The following RSPH14 variants were observed in gnomAD, a reference collection of about 807,000 sequenced individuals.
RSPH14 encodes radial spoke head 14 homolog.
RSPH14 carries 20 observed loss-of-function variants against 26.7 expected under a neutral mutation model. That is an observed-to-expected ratio of 0.75 (90% CI 0.53 to 1.09). The LOEUF (loss-of-function observed/expected upper bound fraction) is 1.09, where lower values mean the gene tolerates loss of function less well. Among genes scored for constraint, RSPH14 ranks in the 50% least tolerant of loss-of-function variants. The pLI, the probability that RSPH14 is intolerant of heterozygous loss-of-function variation, is 0.00. For synonymous variants in RSPH14, 177 were observed against 189.3 expected, an observed-to-expected ratio of 0.93 and a Z score of 0.53; for missense variants, 449 against 457.2, an observed-to-expected ratio of 0.98 and a Z score of 0.16.
intron 6 of RSPH14, among the ~76,000 whole-genome samples, chr22:23,060,289 G>A (rs142003024): frequency 0.011 from 1,743 of 152,148 alleles, 41 homozygotes; most frequent in African/African-American, 0.04. Flanking sequence ...GGCTAACACA[G>A]TGAAACCCCG....
rs537603736 is a variant in RSPH14 at position 23,128,882 on chromosome 22, G to A, written c.421+5144C>T. ...GTTGAGCGCTAGCCACATGCCAGGCGCCCTGCCAGGTGCAGAGGGTGCCAT... is the reference window on the plus strand; with the variant it reads ...GTTGAGCGCTAGCCACATGCCAGGCACCCTGCCAGGTGCAGAGGGTGCCAT... On this transcript the variant is annotated intron_variant, in intron 4 of 6. Transcript: ENST00000216036. Among the ~76,000 whole-genome samples, 139 of 152,302 alleles carry A rather than the reference G, an allele frequency of 9.1e-4. 3 individuals are homozygous for A. Among genetic ancestry groups the A allele is most frequent in the African/African-American group, 2.9e-3 (121 of 41,552 alleles).
At chr22:23,156,011 G>C in the RSPH14 span, 38 of 1,612,662 alleles carry the variant, frequency 2.4e-5, no homozygotes, top group Non-Finnish European at 3.1e-5. Flanking sequence ...CATCGCATCT[G>C]CCTACTACCG....
At chr22:23,172,291 G>A in the RSPH14 span, among the ~76,000 whole-genome samples, 16 of 151,840 alleles carry the variant, frequency 1.1e-4, no homozygotes, top group East Asian at 5.8e-4. Flanking sequence ...GATGGTGCGC[G>A]TATAGTCCCA....
chr22:23,130,481 A>AGAAG (rs1322079201), intron 4 of RSPH14, among the ~76,000 whole-genome samples: 396 of 18,800 alleles, frequency 0.021, 5 homozygotes, highest in African/African-American at 0.14. Context: ...GAAAAGAGAA[A>AGAAG]GAAAGAAGGA....
chr22:23,104,233 G>C (rs975520836), intron 4 of RSPH14, among the ~76,000 whole-genome samples: 4 of 152,194 alleles, frequency 2.6e-5, no homozygotes, highest in Non-Finnish European at 5.9e-5. Context: ...TAAGGTCTAA[G>C]CAGGCAGGGC....
chr22:23,074,588 C>G (rs1001663852), intron 4 of RSPH14, among the ~76,000 whole-genome samples: 1 of 152,054 alleles, frequency 6.6e-6, no homozygotes, highest in African/African-American at 2.4e-5. Context: ...TGTGGCAGGC[C>G]GGGGACCACG....
the RSPH14 span, among the ~76,000 whole-genome samples, chr22:23,165,116 C>T: frequency 2.6e-5 from 4 of 152,190 alleles, no homozygotes; most frequent in African/African-American, 9.7e-5. Context: ...CCCCAAGAGC[C>T]AGGACAGTGA....
intron 4 of RSPH14, among the ~76,000 whole-genome samples, chr22:23,117,752 ATGACT>A (rs1041247238): frequency 4.2e-4 from 64 of 152,348 alleles, no homozygotes; most frequent in African/African-American, 1.4e-3. Flanking sequence ...GAGAAAGGAA[ATGACT>A]TGTCCAAGGT....
At chr22:23,076,723 A>G (rs1024681393) in intron 4 of RSPH14, among the ~76,000 whole-genome samples, 1 of 152,226 alleles carries the variant, frequency 6.6e-6, no homozygotes, top group Admixed American at 6.5e-5. Context: ...ATGTCTATGG[A>G]AAACTGTCCT....
At chr22:23,155,850 C>A in the RSPH14 span, 1 of 851,706 alleles carries the variant, frequency 1.2e-6, no homozygotes, top group Non-Finnish European at 1.7e-6. Context: ...TCCTGAAGCC[C>A]ATGCAGCTGG....
rs1215124596 is a variant in RSPH14, at chr22:23,061,951, G to A, written c.654-6C>T. The A allele has an allele frequency of 6.2e-7, 1 of 1,613,936 alleles. No homozygotes were observed. The highest frequency in any genetic ancestry group is 8.5e-7 in the Non-Finnish European group (1 of 1,179,994). ...TCTTGCCCTCTCGAGATATGCTGGG[G>A]CAGAGAGGGAACAGAGAGGGGCTCT... On this transcript the variant is annotated splice_polypyrimidine_tract_variant and splice_region_variant and intron_variant, in intron 5 of 6. Coordinates refer to ENST00000216036, the MANE Select transcript of RSPH14 (RefSeq NM_014433.3).
intron 4 of RSPH14, among the ~76,000 whole-genome samples, chr22:23,083,744 G>T (rs1989777): frequency 5.3e-5 from 8 of 151,716 alleles, no homozygotes; most frequent in Non-Finnish European, 8.8e-5. Flanking sequence ...CCAGTTTGTG[G>T]GGCATCCCTT....
the RSPH14 span, chr22:23,158,102 G>C: frequency 1.9e-6 from 3 of 1,606,058 alleles, no homozygotes; most frequent in African/African-American, 2.7e-5. Context: ...TGCCTGGAAG[G>C]GCTCCCAGAC....
chr22:23,179,951 T>G, the RSPH14 span: 1 of 291,086 alleles, frequency 3.4e-6, no homozygotes, highest in Non-Finnish European at 6.3e-6. Flanking sequence ...TCCGCATCGT[T>G]GGGCCAGATC....
chr22:23,103,900 C>T (rs1026071260), intron 4 of RSPH14, among the ~76,000 whole-genome samples: 1 of 152,194 alleles, frequency 6.6e-6, no homozygotes, highest in Non-Finnish European at 1.5e-5. Context: ...AAATGCTGGC[C>T]GCATGCTCTC....
intron 1 of RSPH14, 83 bp from the exon 2 acceptor site, chr22:23,140,555 G>A: frequency 2.8e-6 from 4 of 1,405,414 alleles, no homozygotes; most frequent in Admixed American, 2.7e-5. Flanking sequence ...TGTGAGGGCA[G>A]GCAAATGGGT....
rs771860331 is a variant in RSPH14, at chr22:23,059,599, C to CG, written c.909dup (p.Glu304ArgfsTer56). On this transcript the variant is annotated frameshift_variant, in exon 7 of 7. Transcript: ENST00000216036. LOFTEE classifies it low-confidence loss of function (END_TRUNC). ...TGCGTCTGCAGGGCCTTGCGGCCCT[C>CG]GGGGGCCTCTGCCAGCATGGTAAGG... 3 of 1,613,712 alleles carry CG rather than the reference C, an allele frequency of 1.9e-6. No individual in the cohort carries two copies. Among genetic ancestry groups the CG allele is most frequent in the Non-Finnish European group, 2.5e-6 (3 of 1,179,824 alleles).
intron 4 of RSPH14, among the ~76,000 whole-genome samples, chr22:23,125,984 C>T (rs1601847390): frequency 6.6e-6 from 1 of 152,186 alleles, no homozygotes; most frequent in East Asian, 1.9e-4. Context: ...TGTCACCGCC[C>T]CATCCCTACT....
chr22:23,156,854 G>T, the RSPH14 span, among the ~76,000 whole-genome samples: 1 of 152,178 alleles, frequency 6.6e-6, no homozygotes, highest in Non-Finnish European at 1.5e-5. Context: ...GGAATAAGAG[G>T]TGCGAGGCGC....
Sources: gnomAD v4.1 joint callset for allele counts (sites outside exome capture counted in the v4.1 genomes callset) on GRCh38, gnomAD v4.1.1 for gene constraint, MANE v1.5 for transcripts, NCBI Gene and HGNC (gene_info 2026-07-23, HGNC 2026-07-21) for gene names.